NTM: variants seen among roughly 807,000 people sequenced by gnomAD.
NTM encodes the protein IgLON family member 2.
Under a neutral mutation model 42.1 loss-of-function variants are expected in NTM, and 13 were observed. The ratio of observed to expected loss-of-function variants is 0.31; its 90% CI spans 0.20 to 0.49. The LOEUF (loss-of-function observed/expected upper bound fraction) is 0.49. Ranked by LOEUF, NTM falls within the 20% of genes least tolerant of loss-of-function variation. NTM has a pLI of 0.99. For synonymous variants in NTM, 187 were observed against 179.2 expected, an observed-to-expected ratio of 1.04 and a Z score of -0.35; for missense variants, 373 against 452.8, an observed-to-expected ratio of 0.82 and a Z score of 1.60.
chr11:131,619,173 C>T (rs2062261740), intron 1 of NTM, among the ~76,000 whole-genome samples: 1 of 152,130 alleles, frequency 6.6e-6, no homozygotes, highest in South Asian at 2.1e-4. Context: ...TACAGTCTGA[C>T]GACAAGGGAA....
At chr11:132,211,478 GC>G (rs1592248910) in intron 3 of NTM, among the ~76,000 whole-genome samples, 1 of 152,294 alleles carries the variant, frequency 6.6e-6, no homozygotes, top group African/African-American at 2.4e-5. Flanking sequence ...AATACTTTAT[GC>G]CCAGACAGGG....
intron 2 of NTM, among the ~76,000 whole-genome samples, chr11:132,080,693 T>C (rs2058926926): frequency 6.6e-6 from 1 of 152,238 alleles, no homozygotes; most frequent in Non-Finnish European, 1.5e-5. Flanking sequence ...CTGCAGGTTC[T>C]TACTTAACCT....
intron 2 of NTM, among the ~76,000 whole-genome samples, chr11:132,031,812 T>G (rs1033811070): frequency 2.0e-5 from 3 of 152,176 alleles, no homozygotes; most frequent in Non-Finnish European, 2.9e-5. Context: ...AATAATATTT[T>G]ACTCAGTGAG....
chr11:131,876,039 C>T (rs953574375), intron 1 of NTM, among the ~76,000 whole-genome samples: 17 of 152,128 alleles, frequency 1.1e-4, no homozygotes, highest in South Asian at 2.1e-4. Flanking sequence ...TCCAGCAAAG[C>T]GATTTCCGTG....
At chr11:132,193,854 T>TA (rs2079713328) in intron 3 of NTM, among the ~76,000 whole-genome samples, 1 of 151,822 alleles carries the variant, frequency 6.6e-6, no homozygotes, top group Non-Finnish European at 1.5e-5. Flanking sequence ...GCACACAAAC[T>TA]AAAAAACCTA....
In NTM at chr11:132,336,131, GGTTT is replaced by G. The variant is rs774028237; in HGVS notation, c.*989_*992del. 1 of 152,474 alleles carries G rather than the reference GGTTT, an allele frequency of 6.6e-6. No individual in the cohort carries two copies. The highest frequency in any genetic ancestry group is 1.5e-5 in the Non-Finnish European group (1 of 68,024). 9.4% of individuals were successfully genotyped at this position (152,474 alleles called of 1,614,324 possible). On this transcript the variant is annotated 3_prime_UTR_variant, in exon 9 of 9. Transcript: ENST00000683400. ...GAAAGGTGATCTGCACTGTATCTTG[GGTTT>G]GTTGGCTATGCTTCCTTTGATGACA...
intron 2 of NTM, among the ~76,000 whole-genome samples, chr11:132,010,418 C>T (rs750048695): frequency 4.5e-4 from 69 of 152,274 alleles, no homozygotes; most frequent in Admixed American, 9.2e-4. Context: ...CTGCTCTTCC[C>T]AGAGACCCTC....
intron 4 of NTM, among the ~76,000 whole-genome samples, chr11:132,302,431 G>T (rs947174099): frequency 5.3e-5 from 8 of 152,120 alleles, no homozygotes; most frequent in Non-Finnish European, 1.0e-4. Flanking sequence ...ATTTCCTAAA[G>T]TCAGGAAATA....
intron 1 of NTM, among the ~76,000 whole-genome samples, chr11:131,555,375 G>T (rs528814110): frequency 1.3e-5 from 2 of 152,268 alleles, no homozygotes; most frequent in South Asian, 4.1e-4. Context: ...GTTGTCATTG[G>T]GTCCTTGTGA....
At chr11:131,820,166 T>G (rs1349942232) in intron 1 of NTM, among the ~76,000 whole-genome samples, 1 of 152,188 alleles carries the variant, frequency 6.6e-6, no homozygotes, top group Non-Finnish European at 1.5e-5. Context: ...CACAACAGCC[T>G]GGTGAGATTA....
intron 2 of NTM, among the ~76,000 whole-genome samples, chr11:131,921,193 TTTATTTG>T (rs1412177909): frequency 1.3e-5 from 2 of 152,242 alleles, no homozygotes; most frequent in Non-Finnish European, 2.9e-5. Flanking sequence ...ACAATGTGAC[TTTATTTG>T]TAAATATGGT....
Position 131,371,507 on chromosome 11 carries a change from C to G in NTM, c.82+619C>G, listed in dbSNP as rs914389705. 3.9e-5 allele frequency among the ~76,000 whole-genome samples: 6 copies of G among 152,004 alleles called. No homozygotes were observed. The South Asian group carries it at 8.3e-4, about 21-fold the overall frequency. ...TCGGAGGTGTGGAAGCGAGGGGAGC[C>G]GGGGCTCTGAAATTCTAAAAAGCTT... On this transcript the variant is annotated intron_variant, in intron 1 of 8. Transcript: ENST00000683400.
chr11:132,074,376 G>A (rs1332868487), intron 2 of NTM, among the ~76,000 whole-genome samples: 1 of 152,094 alleles, frequency 6.6e-6, no homozygotes, highest in Non-Finnish European at 1.5e-5. Context: ...AAGAAATATG[G>A]GGATTGATAT....
chr11:132,208,391 G>A (rs987567730), intron 3 of NTM, among the ~76,000 whole-genome samples: 1 of 152,188 alleles, frequency 6.6e-6, no homozygotes, highest in African/African-American at 2.4e-5. Flanking sequence ...TGAATGATCT[G>A]TCTTTCTCAC....
At chr11:131,607,030 G>A (rs1190194771) in intron 1 of NTM, among the ~76,000 whole-genome samples, 1 of 152,152 alleles carries the variant, frequency 6.6e-6, no homozygotes, top group Non-Finnish European at 1.5e-5. Flanking sequence ...CGGTTTCTGG[G>A]TAATCCCCTT....
At chr11:132,178,753 T>C (rs1447615786) in intron 3 of NTM, among the ~76,000 whole-genome samples, 1 of 152,130 alleles carries the variant, frequency 6.6e-6, no homozygotes, top group Non-Finnish European at 1.5e-5. Context: ...ATGAAGGTAA[T>C]TAAAAATGAA....
chr11:132,017,633 T>A (rs1428345769), intron 2 of NTM, among the ~76,000 whole-genome samples: 1 of 152,076 alleles, frequency 6.6e-6, no homozygotes, highest in Non-Finnish European at 1.5e-5. Context: ...TAGTTTTTTC[T>A]ATATCTTTTG....
At chr11:131,408,579 GGT>G (rs1946060136) in intron 1 of NTM, among the ~76,000 whole-genome samples, 1 of 152,174 alleles carries the variant, frequency 6.6e-6, no homozygotes, top group Non-Finnish European at 1.5e-5. Flanking sequence ...CTTTGAGGCT[GGT>G]GTGAGTTCAT....
At chr11:132,195,243 G>A (rs983006463) in intron 3 of NTM, among the ~76,000 whole-genome samples, 2 of 151,714 alleles carry the variant, frequency 1.3e-5, no homozygotes, top group African/African-American at 4.8e-5. Flanking sequence ...TAACCAAGAA[G>A]GTAAAAAATC....
Sources: allele counts gnomAD v4.1 joint callset (sites outside exome capture counted in the v4.1 genomes callset), GRCh38; gene constraint gnomAD v4.1.1; transcripts MANE v1.5; gene names NCBI Gene and HGNC (gene_info 2026-07-23, HGNC 2026-07-21).